Variants in ASB15 observed in about 807,000 individuals in gnomAD.
ASB15 encodes ankyrin repeat and SOCS box protein 15.
A neutral mutation model predicts 58.0 loss-of-function variants in ASB15; 54 were observed. That is an observed-to-expected ratio of 0.93 (90% confidence interval 0.75 to 1.17). The LOEUF (loss-of-function observed/expected upper bound fraction) is 1.17. Among genes scored for constraint, ASB15 ranks in the 50% most tolerant of loss-of-function variants. The pLI is 0.00. For missense variants in ASB15, 680 were observed against 707.4 expected (o/e 0.96, Z 0.44); for synonymous variants, 249 against 262.4 (o/e 0.95, Z 0.50).
At chr7:123,574,133 T>C (rs1404024326) in intron 1 of ASB15, among the ~76,000 whole-genome samples, 1 of 152,098 alleles carries the variant, frequency 6.6e-6, no homozygotes, top group Non-Finnish European at 1.5e-5. Context: ...TGCCAAAATG[T>C]TTTTTAGAAT....
chr7:123,632,870 G>C (rs1057050754), intron 11 of ASB15, among the ~76,000 whole-genome samples: 1 of 152,046 alleles, frequency 6.6e-6, no homozygotes, highest in African/African-American at 2.4e-5. Context: ...TAGGCAAAAA[G>C]AACAAGTGAC....
In ASB15 at chr7:123,630,039, T is replaced by A; in HGVS notation, c.1514T>A (p.Met505Lys). The A allele has an allele frequency of 6.2e-7, 1 of 1,606,888 alleles. No individual in the cohort carries two copies. Residue 505 changes from methionine to lysine, a missense_variant, in exon 11 of 12, where the codon ATG becomes AAG. Physicochemically the swap from Met to Lys is moderately conservative, Grantham distance 95. Coordinates refer to ENST00000451215, the MANE Select transcript of ASB15 (RefSeq NM_001290258.2). ...GTTACTCGTGTACTAATAGATTACATGGATTATGTTCCTCTGTGTGCTAAA... is the reference window on the plus strand; with the variant it reads ...GTTACTCGTGTACTAATAGATTACAAGGATTATGTTCCTCTGTGTGCTAAA... ...GRVTRVLIDY[M>K]DYVPLCAKLK...
In ASB15 at chr7:123,636,951, T is replaced by C. The variant is rs1423033963; in HGVS notation, c.1737T>C (p.Asp579=). 1.9e-6 allele frequency: 3 copies of C among 1,574,650 alleles called. No individual in the cohort carries two copies. Among genetic ancestry groups the C allele is most frequent in the Non-Finnish European group, 2.6e-6 (3 of 1,146,744 alleles). The change falls in exon 12 of 12, where the codon GAT becomes GAC. Residue 579 remains aspartate (D), a synonymous_variant. Coordinates refer to ENST00000451215, the MANE Select transcript of ASB15 (RefSeq NM_001290258.2). ...GATACATATTATTTAAAGAGTATGA[T>C]CTCTATGGACAAGAGCTAAAATTGA... ...IQRYILFKEY[D]LYGQELKLT is the part of the protein sequence containing the mutation.
chr7:123,602,280 TAAATA>T (rs1411039978), intron 1 of ASB15, among the ~76,000 whole-genome samples: 1 of 152,142 alleles, frequency 6.6e-6, no homozygotes, highest in African/African-American at 2.4e-5. Context: ...TTTTTGTGAA[TAAATA>T]AAATAAATCT....
chr7:123,593,915 C>A (rs1162699881), intron 1 of ASB15, among the ~76,000 whole-genome samples: 1 of 151,738 alleles, frequency 6.6e-6, no homozygotes. Context: ...TTCAGGTACA[C>A]CAATCAAACA....
At position 123,627,164 on chromosome 7, in the gene ASB15, C is replaced by T; in HGVS notation, c.752C>T (p.Ala251Val). 6.2e-7 allele frequency: 1 copy of T among 1,613,904 alleles called. No individual in the cohort carries two copies. The highest frequency in any genetic ancestry group is 1.1e-5 in the South Asian group (1 of 91,064). The change falls in exon 9 of 12, where the codon GCA becomes GTA. Residue 251 changes from alanine to valine, a missense_variant. Transcript: ENST00000451215. ...DDGASVLFEA[A>V]GGGNPDCISL... ...GGGGCGTCGGTGCTGTTTGAGGCAG[C>T]AGGAGGTGGCAATCCCGACTGCATT...
chr7:123,581,502 C>A (rs1018126892), intron 1 of ASB15, among the ~76,000 whole-genome samples: 1 of 151,246 alleles, frequency 6.6e-6, no homozygotes, highest in Non-Finnish European at 1.5e-5. Context: ...CCTAAGGGCA[C>A]ATTTTTGTTA....
At chr7:123,635,407 G>A (rs1802366361) in intron 11 of ASB15, among the ~76,000 whole-genome samples, 1 of 151,982 alleles carries the variant, frequency 6.6e-6, no homozygotes, top group Non-Finnish European at 1.5e-5. Context: ...GAGATTGCAA[G>A]ACAGAGAAAA....
At chr7:123,592,435 T>C (rs1353110015) in intron 1 of ASB15, among the ~76,000 whole-genome samples, 1 of 152,192 alleles carries the variant, frequency 6.6e-6, no homozygotes, top group Non-Finnish European at 1.5e-5. Flanking sequence ...GCTATAAATT[T>C]CCCTCCACAC....
chr7:123,599,406 G>T (rs1432268702), upstream of ASB15, among the ~76,000 whole-genome samples: 3 of 152,202 alleles, frequency 2.0e-5, no homozygotes, highest in East Asian at 5.8e-4. Flanking sequence ...GGATCAGAAA[G>T]GACTTAATAA....
Position 123,629,919 on chromosome 7 carries a change from TATG to T in ASB15, c.1441-44_1441-42del, listed in dbSNP as rs773094405. 37 of 1,281,990 alleles carry T rather than the reference TATG, an allele frequency of 2.9e-5. No individual in the cohort carries two copies. The South Asian group carries it at 5.1e-4, about 18-fold the overall frequency. The allele number at this position is 1,281,990 out of a possible 1,614,324, so 79.4% of individuals were successfully genotyped here. On this transcript the variant is annotated intron_variant, in intron 10 of 11. Coordinates refer to ENST00000451215, the MANE Select transcript of ASB15 (RefSeq NM_001290258.2). ...CATAACACAATTGAGTGTTTATGTA[TATG>T]ATATTAAAAATACTACTAAATTAAA...
chr7:123,616,575 A>G (rs1800833118), intron 6 of ASB15, 80 bp downstream of exon 6: 1 of 1,420,904 alleles, frequency 7.0e-7, no homozygotes, highest in Non-Finnish European at 9.6e-7. Flanking sequence ...TTCAGTGAAC[A>G]TAACTAGCAG....
chr7:123,592,557 A>G (rs550297933), intron 1 of ASB15, among the ~76,000 whole-genome samples: 1 of 152,336 alleles, frequency 6.6e-6, no homozygotes, highest in South Asian at 2.1e-4. Flanking sequence ...GTAGTCACTC[A>G]GGAGCAGGTT....
At chr7:123,577,036 T>G (rs1799086248) in intron 1 of ASB15, among the ~76,000 whole-genome samples, 1 of 152,170 alleles carries the variant, frequency 6.6e-6, no homozygotes, top group Non-Finnish European at 1.5e-5. Flanking sequence ...TGGAAATTAT[T>G]CTCTTATTGA....
chr7:123,578,617 G>A (rs1037078182), intron 1 of ASB15, among the ~76,000 whole-genome samples: 2 of 151,782 alleles, frequency 1.3e-5, no homozygotes, highest in Admixed American at 6.6e-5. Context: ...GCCAATTTTT[G>A]TATATACTCT....
intron 1 of ASB15, among the ~76,000 whole-genome samples, chr7:123,594,586 T>C (rs2116375445): frequency 6.6e-6 from 1 of 152,302 alleles, no homozygotes; most frequent in Non-Finnish European, 1.5e-5. Context: ...CTCCAGACCC[T>C]GTTTGCCTAG....
intron 2 of ASB15, among the ~76,000 whole-genome samples, chr7:123,607,467 C>G (rs1800205133): frequency 6.6e-6 from 1 of 152,084 alleles, no homozygotes; most frequent in African/African-American, 2.4e-5. Flanking sequence ...TTTTACATCT[C>G]TGATTATTTC....
In ASB15 at chr7:123,582,856, C is replaced by T. The variant is rs138190556; in HGVS notation, c.-443+15768C>T. On this transcript the variant is annotated intron_variant, in intron 1 of 13. Coordinates refer to the ASB15 transcript ENST00000451558. ...TAGTAGCTAATAAATACATACTTGG[C>T]AAATAAATGAATGCAGTATTATTCA... 5.9e-4 allele frequency among the ~76,000 whole-genome samples: 90 copies of T among 151,960 alleles called. No homozygotes were observed. In the East Asian group the frequency reaches 0.017, roughly 28 times the overall value.
At chr7:123,597,335 T>G (rs1433443556), upstream of ASB15, among the ~76,000 whole-genome samples, 1 of 152,234 alleles carries the variant, frequency 6.6e-6, no homozygotes. Context: ...ACCTTTATTT[T>G]ATTTAATGAT....
Sources: gnomAD v4.1 joint callset for allele counts (sites outside exome capture counted in the v4.1 genomes callset) on GRCh38, gnomAD v4.1.1 for gene constraint, MANE v1.5 for transcripts, NCBI Gene and HGNC (gene_info 2026-07-23, HGNC 2026-07-21) for gene names.